IGF1: variants seen among roughly 807,000 people sequenced by gnomAD.
IGF1 encodes insulin like growth factor 1, also known as insulin-like growth factor 1.
IGF1 carries 4 observed loss-of-function variants against 13.8 expected under a neutral mutation model. The observed-to-expected ratio is 0.29, with a 90% CI of 0.14 to 0.66. IGF1 has a LOEUF of 0.66. Ranked by LOEUF, IGF1 falls within the 30% of genes least tolerant of loss-of-function variation. The pLI is 0.78. For missense variants in IGF1, 124 were observed against 188.5 expected (o/e 0.66, Z 2.00); for synonymous variants, 76 against 72.6 (o/e 1.05, Z -0.23).
chr12:102,447,416 G>C (rs1878453875), intron 2 of IGF1, among the ~76,000 whole-genome samples: 1 of 152,108 alleles, frequency 6.6e-6, no homozygotes, highest in Non-Finnish European at 1.5e-5. Context: ...CTCCTGCATT[G>C]GGTGCATATA....
chr12:102,470,446 T>A (rs1880614400), intron 2 of IGF1, among the ~76,000 whole-genome samples: 1 of 152,254 alleles, frequency 6.6e-6, no homozygotes, highest in Non-Finnish European at 1.5e-5. Flanking sequence ...GTCCTATGGT[T>A]GCAGAAACTG....
At chr12:102,478,665 G>A in intron 1 of IGF1, 1 of 1,359,294 alleles carries the variant, frequency 7.4e-7, no homozygotes, top group South Asian at 2.2e-5. Flanking sequence ...TATGAGCCTG[G>A]GTAAACTGCC....
intron 3 of IGF1, among the ~76,000 whole-genome samples, chr12:102,415,104 A>C (rs772148884): frequency 6.6e-6 from 1 of 152,186 alleles, no homozygotes; most frequent in Admixed American, 6.5e-5. Context: ...CATAGCTCCT[A>C]TGCCTTTCCT....
chr12:102,426,606 T>C (rs147360668), intron 2 of IGF1, among the ~76,000 whole-genome samples: 74 of 152,362 alleles, frequency 4.9e-4, no homozygotes, highest in African/African-American at 1.6e-3. Flanking sequence ...ATAGACACTA[T>C]GAGAATGAAT....
At chr12:102,449,327 TA>T (rs1878695544) in intron 2 of IGF1, among the ~76,000 whole-genome samples, 2 of 143,960 alleles carry the variant, frequency 1.4e-5, no homozygotes, top group South Asian at 4.3e-4. Flanking sequence ...TTCTCACTCA[TA>T]AGTGTGAGTT....
At chr12:102,419,432 G>A in intron 3 of IGF1, 77 bp downstream of exon 3, 2 of 1,432,300 alleles carry the variant, frequency 1.4e-6, no homozygotes, top group Non-Finnish European at 1.9e-6. Flanking sequence ...TATGGGGCAG[G>A]ATTTCTGCTT....
At chr12:102,481,347 CTG>C (rs3033407), upstream of IGF1, among the ~76,000 whole-genome samples, 74,435 of 139,966 alleles carry the variant, frequency 0.53, 20,485 homozygotes, top group Non-Finnish European at 0.64. Context: ...TAACTCAAAC[CTG>C]TGTGTGTGTG....
At chr12:102,416,165 T>G (rs944704624) in intron 3 of IGF1, among the ~76,000 whole-genome samples, 1 of 152,218 alleles carries the variant, frequency 6.6e-6, no homozygotes, top group African/African-American at 2.4e-5. Context: ...ATCTTCAAAA[T>G]AGACTACTTG....
intron 2 of IGF1, among the ~76,000 whole-genome samples, chr12:102,469,806 C>T (rs1419409524): frequency 6.6e-6 from 1 of 152,038 alleles, no homozygotes; most frequent in Non-Finnish European, 1.5e-5. Flanking sequence ...TCTCATTTGT[C>T]CCATGAAGCA....
chr12:102,445,058 G>A (rs533726761), intron 2 of IGF1, among the ~76,000 whole-genome samples: 6 of 151,980 alleles, frequency 3.9e-5, no homozygotes, highest in East Asian at 3.9e-4. Context: ...GATGTGTAGC[G>A]TTATTTCTGA....
At chr12:102,426,232 G>A (rs1876190029) in intron 2 of IGF1, among the ~76,000 whole-genome samples, 1 of 152,120 alleles carries the variant, frequency 6.6e-6, no homozygotes, top group Admixed American at 6.5e-5. Flanking sequence ...CTTTCATTTG[G>A]CAAAGGACTC....
chr12:102,452,479 T>C (rs1879050941), intron 2 of IGF1, among the ~76,000 whole-genome samples: 1 of 152,252 alleles, frequency 6.6e-6, no homozygotes, highest in Non-Finnish European at 1.5e-5. Context: ...ATAAAATAGA[T>C]GCTCAGTAAA....
Position 102,428,236 on chromosome 12 carries a change from G to GTATATATATATATA in IGF1, c.221-8547_221-8546insTATATATATATATA, listed in dbSNP as rs56947594. ...CGACCCACTTTGTAATCAATAATGT[G>GTATATATATATATA]TATATATATATATGGCATATTAATG... On this transcript the variant is annotated intron_variant, in intron 2 of 3. Transcript: ENST00000337514. Among the ~76,000 whole-genome samples the GTATATATATATATA allele has an allele frequency of 4.3e-3, 300 of 69,556 alleles. 58 individuals carry two copies. Among genetic ancestry groups the GTATATATATATATA allele is most frequent in the Middle Eastern group, 0.017 (2 of 116 alleles). The allele number at this position is 69,556 out of a possible 152,430, so 45.6% of individuals were successfully genotyped here. A position where few individuals can be genotyped will look rare whatever the true frequency, so the allele number is the denominator to read the frequency against.
At chr12:102,441,801 G>T (rs745787200) in intron 2 of IGF1, among the ~76,000 whole-genome samples, 1 of 151,998 alleles carries the variant, frequency 6.6e-6, no homozygotes, top group Non-Finnish European at 1.5e-5. Context: ...AAAATATTGA[G>T]CCATAGAAAA....
intron 2 of IGF1, among the ~76,000 whole-genome samples, chr12:102,429,934 T>C (rs4764886): frequency 0.032 from 4,885 of 152,198 alleles, 296 homozygotes; most frequent in East Asian, 0.27. Context: ...GACCTATCCA[T>C]GGTTACAGAA....
intron 2 of IGF1, among the ~76,000 whole-genome samples, chr12:102,422,227 TG>T (rs2137013020): frequency 6.6e-6 from 1 of 152,348 alleles, no homozygotes; most frequent in South Asian, 2.1e-4. Context: ...TGTCTACATT[TG>T]TTTTTTTAAA....
intron 2 of IGF1, 53 bp downstream of exon 2, chr12:102,475,590 C>T: frequency 2.5e-6 from 4 of 1,600,174 alleles, no homozygotes; most frequent in Non-Finnish European, 3.4e-6. Flanking sequence ...TGTAAATCCA[C>T]AGAGCTGTAC....
chr12:102,455,145 T>C (rs1879282399), intron 2 of IGF1, among the ~76,000 whole-genome samples: 1 of 152,248 alleles, frequency 6.6e-6, no homozygotes, highest in Non-Finnish European at 1.5e-5. Context: ...TTTTGACTTT[T>C]TAGAAGAACT....
At chr12:102,454,506 G>A (rs540241383) in intron 2 of IGF1, among the ~76,000 whole-genome samples, 10 of 152,174 alleles carry the variant, frequency 6.6e-5, no homozygotes, top group East Asian at 1.9e-4. Flanking sequence ...ACATCTGATG[G>A]CCACCTGCAT....
Sources: allele counts gnomAD v4.1 joint callset (sites outside exome capture counted in the v4.1 genomes callset), GRCh38; gene constraint gnomAD v4.1.1; transcripts MANE v1.5; gene names NCBI Gene and HGNC (gene_info 2026-07-23, HGNC 2026-07-21).